The following SLC6A20 variants were observed in gnomAD, a reference collection of about 807,000 sequenced individuals.
SLC6A20 encodes sodium- and chloride-dependent transporter XTRP3.
SLC6A20 carries 73 observed loss-of-function variants against 64.3 expected under a neutral mutation model. The observed-to-expected ratio is 1.14, with a 90% confidence interval of 0.94 to 1.38. SLC6A20 has a LOEUF of 1.38. SLC6A20 is among the 40% of genes most tolerant of loss of function. SLC6A20 has a pLI of 0.00. For missense variants in SLC6A20, 725 were observed against 772.8 expected (o/e 0.94, Z 0.73); for synonymous variants, 347 against 329.6 (o/e 1.05, Z -0.57).
At position 45,756,269 on chromosome 3, in the gene SLC6A20, G is replaced by C. The variant is rs1699541194; in HGVS notation, c.*2709C>G. 6.6e-6 allele frequency: 1 copy of C among 152,288 alleles called. No individual in the cohort carries two copies. The highest frequency in any genetic ancestry group is 1.9e-4 in the East Asian group (1 of 5,206). The allele number at this position is 152,288 out of a possible 1,614,324, so 9.4% of individuals were successfully genotyped here. On this transcript the variant is annotated 3_prime_UTR_variant, in exon 11 of 11. Transcript: ENST00000358525. ...GACTGATCCCAGGTGGCCCTGAGTT[G>C]TAAGACGGTGACTGTGAGTGGGGAT...
At chr3:45,774,436 G>T in intron 4 of SLC6A20, among the ~76,000 whole-genome samples, 1 of 152,156 alleles carries the variant, frequency 6.6e-6, no homozygotes, top group South Asian at 2.1e-4. Flanking sequence ...GTATGGCCAG[G>T]CTCTACGATG....
rs777908628 is a variant in SLC6A20 at position 45,759,039 on chromosome 3, G to T, written c.1718C>A (p.Ala573Glu). 1.9e-6 allele frequency: 3 copies of T among 1,612,148 alleles called. No individual in the cohort carries two copies. The highest frequency in any genetic ancestry group is 2.5e-6 in the Non-Finnish European group (3 of 1,179,292). ...ACGCTGAACAAAAGTCCCCAGGGCC[G>T]CCAGGGGGATGCACATGGTGGAGGA... is the stretch of plus-strand genomic sequence containing the variant. ...VASSTMCIPL[A>E]ALGTFVQRRL... The change falls in exon 11 of 11, where the codon GCG (alanine) becomes GAG (glutamate). Residue 573 changes from alanine to glutamate, a missense_variant. Ala to Glu is a moderately radical substitution (Grantham distance 107, BLOSUM62 -1). Coordinates refer to ENST00000358525, the MANE Select transcript of SLC6A20 (RefSeq NM_020208.4).
At chr3:45,761,373 C>T (rs902835965) in intron 9 of SLC6A20, among the ~76,000 whole-genome samples, 6 of 152,172 alleles carry the variant, frequency 3.9e-5, no homozygotes, top group African/African-American at 1.4e-4. Context: ...AGTCCACCTA[C>T]GACATCTCCA....
At chr3:45,787,971 G>T (rs1191083830) in intron 1 of SLC6A20, among the ~76,000 whole-genome samples, 2 of 152,012 alleles carry the variant, frequency 1.3e-5, no homozygotes, top group African/African-American at 4.8e-5. Flanking sequence ...CTTTGGATAG[G>T]GTCTCGCTCT....
chr3:45,772,504 C>A lies in SLC6A20; in HGVS notation c.693+1G>T. On this transcript the variant is annotated splice_donor_variant, in intron 5 of 10. Transcript: ENST00000358525. LOFTEE classifies it high-confidence loss of function. The stretch of plus-strand genomic sequence containing the variant: ...TAGGGCCCTTCCGCTTCAGCCCGTA[C>A]CTTGGGAGTGAACATGTACATGAGG... 1 of 1,611,552 alleles carries A rather than the reference C, an allele frequency of 6.2e-7. No individual in the cohort carries two copies. The highest frequency in any genetic ancestry group is 8.5e-7 in the Non-Finnish European group (1 of 1,178,906).
At chr3:45,772,285 CTT>C in intron 5 of SLC6A20, 1 of 508,506 alleles carries the variant, frequency 2.0e-6, no homozygotes, top group Non-Finnish European at 3.5e-6. Flanking sequence ...GAAAGAAAGA[CTT>C]AATGCTCCAG....
At chr3:45,760,412 C>A (rs572368875) in intron 9 of SLC6A20, among the ~76,000 whole-genome samples, 4 of 152,284 alleles carry the variant, frequency 2.6e-5, no homozygotes, top group South Asian at 4.1e-4. Context: ...GCGGCTTTGC[C>A]CACCCCCCTA....
At chr3:45,771,773 T>C (rs56004364) in intron 5 of SLC6A20, 184,004 of 461,740 alleles carry the variant, frequency 0.4, 41,369 homozygotes, top group Non-Finnish European at 0.48. Context: ...GCAGCTATGC[T>C]CACCACTATA....
chr3:45,759,940 G>C lies in SLC6A20; in HGVS notation c.1546C>G (p.Leu516Val), dbSNP rs766370141. The C allele has an allele frequency of 3.7e-6, 6 of 1,614,094 alleles. No homozygotes were observed. Among genetic ancestry groups the C allele is most frequent in the African/African-American group, 1.3e-5 (1 of 74,938 alleles). ...TAGAAGACAAAGAGGCTGACAATCA[G>C]CAGTGGGCTTACGCCAGCCCACATC... ...KVMWAGVSPL[L>V]IVSLFVFYLS... Residue 516 changes from leucine to valine, a missense_variant, in exon 10 of 11, where the codon CTG becomes GTG. Coordinates refer to ENST00000358525, the MANE Select transcript of SLC6A20 (RefSeq NM_020208.4).
At chr3:45,792,289 T>TG (rs1240840573) in intron 1 of SLC6A20, among the ~76,000 whole-genome samples, 15 of 152,142 alleles carry the variant, frequency 9.9e-5, no homozygotes, top group Admixed American at 9.8e-4. Flanking sequence ...GAGTGCAGGG[T>TG]GCTGGGGAGA....
Position 45,772,630 on chromosome 3 carries a change from G to A in SLC6A20, c.583-15C>T. The A allele has an allele frequency of 1.2e-6, 2 of 1,607,440 alleles. No individual in the cohort carries two copies. Among genetic ancestry groups the A allele is most frequent in the African/African-American group, 1.3e-5 (1 of 74,988 alleles). On this transcript the variant is annotated splice_polypyrimidine_tract_variant and intron_variant, in intron 4 of 10. Transcript: ENST00000358525. ...AAATACACCACCTGCGGGCATCAGAGGGCAGAGTTGGCCTCCCGGAGCAGT... is the reference window on the plus strand; with the variant it reads ...AAATACACCACCTGCGGGCATCAGAAGGCAGAGTTGGCCTCCCGGAGCAGT...
intron 8 of SLC6A20, among the ~76,000 whole-genome samples, chr3:45,764,243 T>C (rs1699732476): frequency 6.6e-6 from 1 of 152,082 alleles, no homozygotes; most frequent in Non-Finnish European, 1.5e-5. Flanking sequence ...AACAGCAGAA[T>C]GGATAAAGAA....
chr3:45,774,507 C>T (rs188818004), intron 4 of SLC6A20, among the ~76,000 whole-genome samples: 57 of 152,284 alleles, frequency 3.7e-4, no homozygotes, highest in Admixed American at 1.6e-3. Flanking sequence ...TGTGCTCACT[C>T]GTCCCTTTCC....
At chr3:45,769,569 C>T (rs780290664) in intron 7 of SLC6A20, among the ~76,000 whole-genome samples, 1 of 150,992 alleles carries the variant, frequency 6.6e-6, no homozygotes, top group Non-Finnish European at 1.5e-5. Flanking sequence ...TTTAAATGAA[C>T]AAATGAGGTT....
In SLC6A20 at chr3:45,758,615, T is replaced by C; in HGVS notation, c.*363A>G. The stretch of plus-strand genomic sequence containing the variant: ...TTGTCCTCTAATATTTTGGTGTCTC[T>C]TCAGCCAAAAACAAAAATTGCTTAA... On this transcript the variant is annotated 3_prime_UTR_variant, in exon 11 of 11. Coordinates refer to ENST00000358525, the MANE Select transcript of SLC6A20 (RefSeq NM_020208.4). 1 of 1,111,404 alleles carries C rather than the reference T, an allele frequency of 9.0e-7. No individual in the cohort carries two copies. Among genetic ancestry groups the C allele is most frequent in the Non-Finnish European group, 1.1e-6 (1 of 905,048 alleles). 68.8% of individuals were successfully genotyped at this position (1,111,404 alleles called of 1,614,324 possible). A position where few individuals can be genotyped will look rare whatever the true frequency, so the allele number is the denominator to read the frequency against.
rs1365319225 is a variant in SLC6A20, at chr3:45,780,038, C to G, written c.325G>C (p.Ala109Pro). The G allele has an allele frequency of 6.2e-7, 1 of 1,605,072 alleles. No homozygotes were observed. Among genetic ancestry groups the G allele is most frequent in the Non-Finnish European group, 8.5e-7 (1 of 1,175,760 alleles). The change falls in exon 3 of 11, where the codon GCC becomes CCC. Residue 109 changes from alanine (A) to proline (P), a missense_variant. Transcript: ENST00000358525. ...AAGGAGTGGAAGAGGTACCAGAAGG[C>G]CCAGGCGTTGATGACGTTGTAGTAC... ...SMYYNVINAW[A>P]FWYLFHSFQD...
chr3:45,785,235 A>G (rs1046259750), intron 1 of SLC6A20, among the ~76,000 whole-genome samples: 1 of 152,146 alleles, frequency 6.6e-6, no homozygotes, highest in Non-Finnish European at 1.5e-5. Context: ...GGTAGTTGTG[A>G]TGGCTAATAC....
At chr3:45,785,613 T>TCTCTCTCTCTCTC (rs1700157049) in intron 1 of SLC6A20, among the ~76,000 whole-genome samples, 3 of 141,016 alleles carry the variant, frequency 2.1e-5, no homozygotes, top group South Asian at 2.5e-4. Flanking sequence ...AAACTCCCCT[T>TCTCTCTCTCTCTC]TCTCTCTCTC....
At chr3:45,768,647 C>T (rs1699812776) in intron 7 of SLC6A20, among the ~76,000 whole-genome samples, 2 of 152,294 alleles carry the variant, frequency 1.3e-5, no homozygotes, top group African/African-American at 4.8e-5. Context: ...AGCATTGTCC[C>T]ACCCATGAAA....
Sources: gnomAD v4.1 joint callset for allele counts (sites outside exome capture counted in the v4.1 genomes callset) on GRCh38, gnomAD v4.1.1 for gene constraint, MANE v1.5 for transcripts, NCBI Gene and HGNC (gene_info 2026-07-23, HGNC 2026-07-21) for gene names.